The following PTK2 variants were observed in gnomAD, a reference collection of about 807,000 sequenced individuals.
PTK2 encodes the protein focal adhesion kinase 1.
Under a neutral mutation model 150.1 loss-of-function variants are expected in PTK2, and 45 were observed. That is an observed-to-expected ratio of 0.30 (90% CI 0.24 to 0.38). The LOEUF is 0.38. PTK2 is among the 10% of genes least tolerant of loss of function. The pLI is 1.00. For synonymous variants in PTK2, 432 were observed against 449.2 expected, an observed-to-expected ratio of 0.96 and a Z score of 0.48; for missense variants, 919 against 1,307.3, an observed-to-expected ratio of 0.70 and a Z score of 4.58.
intron 26 of PTK2, among the ~76,000 whole-genome samples, chr8:140,690,823 T>C (rs138200748): frequency 6.6e-6 from 1 of 152,348 alleles, no homozygotes; most frequent in East Asian, 1.9e-4. Flanking sequence ...ACTGCATGAT[T>C]ATCATCATAA....
intron 2 of PTK2, among the ~76,000 whole-genome samples, chr8:140,924,994 A>G (rs536794896): frequency 9.8e-5 from 15 of 152,352 alleles, no homozygotes; most frequent in Admixed American, 3.3e-4. Context: ...ACTTAGCTAC[A>G]AAACCCTGGC....
chr8:140,817,066 C>T (rs1295236319), intron 10 of PTK2, among the ~76,000 whole-genome samples: 1 of 152,178 alleles, frequency 6.6e-6, no homozygotes, highest in Non-Finnish European at 1.5e-5. Flanking sequence ...AGAATCCCAT[C>T]TGGCCCCCAG....
At chr8:140,827,618 C>A (rs1484926446) in intron 8 of PTK2, among the ~76,000 whole-genome samples, 3 of 152,150 alleles carry the variant, frequency 2.0e-5, no homozygotes, top group African/African-American at 7.2e-5. Flanking sequence ...ATTCTACTAT[C>A]TTCTAAAGTC....
chr8:140,909,642 TAATA>T (rs1464918099), intron 2 of PTK2: 1 of 152,142 alleles, frequency 6.6e-6, no homozygotes, highest in Admixed American at 6.5e-5. Flanking sequence ...GGAGTTGAAA[TAATA>T]AATATAAAGT....
intron 23 of PTK2, among the ~76,000 whole-genome samples, chr8:140,716,323 C>T (rs2100039686): frequency 6.6e-6 from 1 of 152,168 alleles, no homozygotes; most frequent in South Asian, 2.1e-4. Context: ...GTAAACAGAA[C>T]ATGAAGGGCC....
At chr8:140,680,782 C>T (rs764358579) in intron 27 of PTK2, among the ~76,000 whole-genome samples, 1 of 152,182 alleles carries the variant, frequency 6.6e-6, no homozygotes, top group Non-Finnish European at 1.5e-5. Flanking sequence ...GCTGATAATG[C>T]AACCTTCTTG....
intron 19 of PTK2, among the ~76,000 whole-genome samples, chr8:140,743,608 T>A (rs1007136604): frequency 2.0e-5 from 3 of 152,080 alleles, no homozygotes; most frequent in Non-Finnish European, 4.4e-5. Context: ...AAAATCCTTA[T>A]TACTGTTCAT....
At chr8:140,716,087 C>T (rs2100039565) in intron 23 of PTK2, among the ~76,000 whole-genome samples, 1 of 152,178 alleles carries the variant, frequency 6.6e-6, no homozygotes, top group South Asian at 2.1e-4. Context: ...ATCTTCTTAA[C>T]ATCCCCACCC....
intron 3 of PTK2, 126 bp from the exon 4 acceptor site, chr8:140,879,763 A>G: frequency 2.6e-6 from 2 of 782,840 alleles, no homozygotes; most frequent in South Asian, 4.4e-5. Flanking sequence ...TGCAATGTTC[A>G]TTTCTTTTAG....
exon 3 of PTK2, chr8:140,890,597 A>G (rs1366291068): frequency 6.2e-7 from 1 of 1,614,128 alleles, no homozygotes; most frequent in African/African-American, 1.3e-5. Context: ...TGGTTGGCTC[A>G]CTATTGCTTT....
At chr8:140,734,174 A>AT (rs1336272716) in intron 22 of PTK2, among the ~76,000 whole-genome samples, 1 of 152,180 alleles carries the variant, frequency 6.6e-6, no homozygotes, top group Non-Finnish European at 1.5e-5. Context: ...GCAGTTGATG[A>AT]TTTTTAGGAA....
intron 2 of PTK2, among the ~76,000 whole-genome samples, chr8:140,894,946 T>C (rs994450490): frequency 2.1e-4 from 32 of 152,180 alleles, no homozygotes; most frequent in African/African-American, 7.0e-4. Flanking sequence ...TACATAATCT[T>C]TGCAAGCACA....
At chr8:140,802,863 G>A (rs1169608843) in intron 11 of PTK2, among the ~76,000 whole-genome samples, 1 of 152,002 alleles carries the variant, frequency 6.6e-6, no homozygotes. Context: ...ACCATCTTAG[G>A]TTTGTGTAAG....
intron 1 of PTK2, among the ~76,000 whole-genome samples, chr8:140,931,274 A>G (rs1382180423): frequency 6.6e-6 from 1 of 152,196 alleles, no homozygotes; most frequent in Non-Finnish European, 1.5e-5. Context: ...GAATGCACAT[A>G]TGCAAATACA....
chr8:140,921,160 C>A (rs1328713277), intron 2 of PTK2: 5 of 1,210,144 alleles, frequency 4.1e-6, no homozygotes, highest in Non-Finnish European at 5.1e-6. Context: ...CTGGCTAGAT[C>A]AAGCTACTGA....
At chr8:140,984,535 G>A (rs888573666) in intron 1 of PTK2, among the ~76,000 whole-genome samples, 1 of 152,108 alleles carries the variant, frequency 6.6e-6, no homozygotes, top group Non-Finnish European at 1.5e-5. Flanking sequence ...GCACTTAAAC[G>A]CTGAGAAGCC....
Position 140,683,965 on chromosome 8 carries a change from A to C in PTK2, c.2562+2667T>G, listed in dbSNP as rs576611568. On this transcript the variant is annotated intron_variant, in intron 27 of 31. Coordinates refer to ENST00000522684, the Ensembl canonical transcript of PTK2. Reference sequence around the variant, plus strand: ...GAACTGAAACAAGACCAGGATGCCCACTCTTACCATATCTATTCAACATTA... The same window carrying C: ...GAACTGAAACAAGACCAGGATGCCCCCTCTTACCATATCTATTCAACATTA... 2.6e-5 allele frequency among the ~76,000 whole-genome samples: 4 copies of C among 152,256 alleles called. No homozygotes were observed. The East Asian group carries it at 7.7e-4, about 29-fold the overall frequency.
intron 1 of PTK2, among the ~76,000 whole-genome samples, chr8:140,953,949 T>C (rs1587075310): frequency 6.7e-6 from 1 of 149,360 alleles, no homozygotes; most frequent in African/African-American, 2.5e-5. Flanking sequence ...CAAGGTCTTG[T>C]TGTTACCCAG....
At chr8:140,776,353 T>C (rs1387610084) in intron 14 of PTK2, among the ~76,000 whole-genome samples, 1 of 152,244 alleles carries the variant, frequency 6.6e-6, no homozygotes, top group East Asian at 1.9e-4. Flanking sequence ...TTAAGAACTG[T>C]CTGTTCTTTT....
Sources: gnomAD v4.1 joint callset for allele counts (sites outside exome capture counted in the v4.1 genomes callset) on GRCh38, gnomAD v4.1.1 for gene constraint, MANE v1.5 for transcripts, NCBI Gene and HGNC (gene_info 2026-07-23, HGNC 2026-07-21) for gene names.